Variants in ARIH1 observed in about 807,000 individuals in gnomAD.
ARIH1 encodes the protein E3 ubiquitin-protein ligase ARIH1.
In ARIH1, 8 loss-of-function variants were observed where a neutral mutation model predicts 85.0. That is an observed-to-expected ratio of 0.09 (90% CI 0.06 to 0.17). ARIH1 has a LOEUF of 0.17. ARIH1 is among the 10% of genes least tolerant of loss of function. The pLI is 1.00. For synonymous variants in ARIH1, 238 were observed against 253.6 expected (o/e 0.94, Z 0.59); for missense variants, 311 against 718.1 (o/e 0.43, Z 6.48).
chr15:72,595,058 T>G lies in ARIH1; in HGVS notation c.*11766T>G, dbSNP rs912696414. ...GGAAGGGTTATTAAATTTTGTGAGA[T>G]GCGTTTTTAGCTTTTAATAAGATTA... On this transcript the variant is annotated 3_prime_UTR_variant, in exon 14 of 14. Transcript: ENST00000379887. The G allele has an allele frequency of 9.2e-5, 14 of 152,216 alleles. No individual in the cohort carries two copies. The highest frequency in any genetic ancestry group is 3.4e-4 in the African/African-American group (14 of 41,458). The allele number at this position is 152,216 out of a possible 1,614,324, so 9.4% of individuals were successfully genotyped here.
rs1010555442 is a variant in ARIH1 at position 72,588,830 on chromosome 15, C to T, written c.*5538C>T. 1.3e-5 allele frequency: 2 copies of T among 152,138 alleles called. No individual in the cohort carries two copies. Among genetic ancestry groups the T allele is most frequent in the African/African-American group, 4.8e-5 (2 of 41,404 alleles). The allele number at this position is 152,138 out of a possible 1,614,324, so 9.4% of individuals were successfully genotyped here. ...TGTTGATTGGCAGTACATTCTCTTA[C>T]CAAGGGGGAGAAATCTATCTAGGGA... On this transcript the variant is annotated 3_prime_UTR_variant, in exon 14 of 14. Transcript: ENST00000379887.
chr15:72,514,295 T>C (rs1388600975), intron 1 of ARIH1, among the ~76,000 whole-genome samples: 1 of 152,232 alleles, frequency 6.6e-6, no homozygotes, highest in Non-Finnish European at 1.5e-5. Context: ...TTTGTTAAGA[T>C]TGGATAATTT....
Position 72,523,817 on chromosome 15 carries a change from T to C in ARIH1, c.443+5683T>C, listed in dbSNP as rs529009150. Among the ~76,000 whole-genome samples the C allele has an allele frequency of 2.0e-5, 3 of 151,900 alleles. No homozygotes were observed. The East Asian group carries it at 5.8e-4, about 29-fold the overall frequency. ...TGCTCTAAAAAATAATAAGTTTTTT[T>C]TTTCTTTTAAAGGGGGAAATAAACC... On this transcript the variant is annotated intron_variant, in intron 2 of 13. Transcript: ENST00000379887.
At chr15:72,503,033 C>A (rs934200314) in intron 1 of ARIH1, among the ~76,000 whole-genome samples, 34 of 152,298 alleles carry the variant, frequency 2.2e-4, no homozygotes, top group African/African-American at 7.9e-4. Context: ...TACTTTTAAG[C>A]CATCTAGAGA....
In ARIH1 at chr15:72,584,604, C is replaced by CTGTGT. The variant is rs1441672254; in HGVS notation, c.*1316_*1317insTTGTG. 1 of 152,004 alleles carries CTGTGT rather than the reference C, an allele frequency of 6.6e-6. No homozygotes were observed. The highest frequency in any genetic ancestry group is 1.5e-5 in the Non-Finnish European group (1 of 68,008). 9.4% of individuals were successfully genotyped at this position (152,004 alleles called of 1,614,324 possible). A position where few individuals can be genotyped will look rare whatever the true frequency, so the allele number is the denominator to read the frequency against. Reference sequence around the variant, plus strand: ...ATACCGAAATTGCTTGTGTGTGTTGCTGTGGGTTTGGTTTGAAGGCAAACA... The same window carrying CTGTGT: ...ATACCGAAATTGCTTGTGTGTGTTGCTGTGTTGTGGGTTTGGTTTGAAGGCAAACA... On this transcript the variant is annotated 3_prime_UTR_variant, in exon 14 of 14. Coordinates refer to ENST00000379887, the MANE Select transcript of ARIH1 (RefSeq NM_005744.5).
chr15:72,476,114 G>A (rs2063793973), intron 1 of ARIH1, among the ~76,000 whole-genome samples: 1 of 152,104 alleles, frequency 6.6e-6, no homozygotes, highest in Non-Finnish European at 1.5e-5. Context: ...AACTTAAATT[G>A]GTTGGCTAAA....
At chr15:72,476,897 A>G (rs1442479288) in intron 1 of ARIH1, among the ~76,000 whole-genome samples, 1 of 152,152 alleles carries the variant, frequency 6.6e-6, no homozygotes, top group Non-Finnish European at 1.5e-5. Flanking sequence ...CTGTCAAGTA[A>G]ATTTTTCGAG....
At chr15:72,524,349 G>A (rs117618659) in intron 2 of ARIH1, among the ~76,000 whole-genome samples, 4,566 of 151,360 alleles carry the variant, frequency 0.03, 118 homozygotes, top group East Asian at 0.11. Context: ...CGGTTCAAGC[G>A]ATTACAGGCG....
At position 72,546,296 on chromosome 15, in the gene ARIH1, T is replaced by C. The variant is rs529172396; in HGVS notation, c.588+1332T>C. On this transcript the variant is annotated intron_variant, in intron 3 of 13. Transcript: ENST00000379887. ...TGGGGTCCATTTGTGGGGAGTTAACTTGTTCACATGTACAAGTGATGAGAA... is the reference window on the plus strand; with the variant it reads ...TGGGGTCCATTTGTGGGGAGTTAACCTGTTCACATGTACAAGTGATGAGAA... Among the ~76,000 whole-genome samples the C allele has an allele frequency of 1.6e-4, 25 of 152,312 alleles. No individual in the cohort carries two copies. In the South Asian group the frequency reaches 5.2e-3, roughly 32 times the overall value.
chr15:72,494,133 T>C (rs980453463), intron 1 of ARIH1, among the ~76,000 whole-genome samples: 2 of 152,198 alleles, frequency 1.3e-5, no homozygotes, highest in Non-Finnish European at 2.9e-5. Flanking sequence ...TCCCTAAATA[T>C]AATGCTTCAG....
chr15:72,580,465 T>G (rs1202539450), intron 11 of ARIH1: 6 of 425,332 alleles, frequency 1.4e-5, no homozygotes, highest in Non-Finnish European at 2.5e-5. Flanking sequence ...GATTGCTGGA[T>G]TCTGTGGTGG....
rs1167807870 is a variant in ARIH1 at position 72,592,994 on chromosome 15, T to C, written c.*9702T>C. ...ATGTTTATAAGAAACTGCCCTCTTA[T>C]TCTCCAAAGTGGTTTTACCATTTTG... On this transcript the variant is annotated 3_prime_UTR_variant, in exon 14 of 14. Coordinates refer to ENST00000379887, the MANE Select transcript of ARIH1 (RefSeq NM_005744.5). 2 of 152,210 alleles carry C rather than the reference T, an allele frequency of 1.3e-5. No homozygotes were observed. Among genetic ancestry groups the C allele is most frequent in the Non-Finnish European group, 1.5e-5 (1 of 68,012 alleles). 9.4% of individuals were successfully genotyped at this position (152,210 alleles called of 1,614,324 possible). A position where few individuals can be genotyped will look rare whatever the true frequency, so the allele number is the denominator to read the frequency against.
At chr15:72,535,199 C>T (rs1415175052) in intron 2 of ARIH1, among the ~76,000 whole-genome samples, 1 of 151,900 alleles carries the variant, frequency 6.6e-6, no homozygotes, top group East Asian at 1.9e-4. Flanking sequence ...GATCCACCCG[C>T]CTCGGCCTCC....
intron 7 of ARIH1, among the ~76,000 whole-genome samples, chr15:72,564,923 A>G (rs1030776241): frequency 2.6e-5 from 4 of 152,070 alleles, no homozygotes; most frequent in African/African-American, 9.7e-5. Context: ...CACATTGGTT[A>G]TTAAGTTTTA....
chr15:72,505,758 G>A (rs1328033427), intron 1 of ARIH1, among the ~76,000 whole-genome samples: 1 of 151,994 alleles, frequency 6.6e-6, no homozygotes, highest in Non-Finnish European at 1.5e-5. Flanking sequence ...TCCCTGAGAC[G>A]GGGTCTTGCT....
chr15:72,479,296 G>A (rs1397104295), intron 1 of ARIH1, among the ~76,000 whole-genome samples: 1 of 152,174 alleles, frequency 6.6e-6, no homozygotes, highest in Admixed American at 6.5e-5. Context: ...ACCATATTTA[G>A]AGTGTGTGCC....
Position 72,587,533 on chromosome 15 carries a change from G to C in ARIH1, c.*4241G>C. ...CATTGTAAAGAATTTTGGATAGTCT[G>C]CAGGAAATTGTTACAGGATGCACAG... On this transcript the variant is annotated 3_prime_UTR_variant, in exon 14 of 14. Coordinates refer to ENST00000379887, the MANE Select transcript of ARIH1 (RefSeq NM_005744.5). 1 of 243,822 alleles carries C rather than the reference G, an allele frequency of 4.1e-6. No individual in the cohort carries two copies. Among genetic ancestry groups the C allele is most frequent in the Middle Eastern group, 1.6e-3 (1 of 642 alleles). 15.1% of individuals were successfully genotyped at this position (243,822 alleles called of 1,614,324 possible).
At chr15:72,528,716 G>A (rs921592672) in intron 2 of ARIH1, among the ~76,000 whole-genome samples, 14 of 152,250 alleles carry the variant, frequency 9.2e-5, no homozygotes, top group African/African-American at 3.1e-4. Flanking sequence ...TTAGCTAGGT[G>A]TGGTGATGCA....
At position 72,476,509 on chromosome 15, in the gene ARIH1, C is replaced by T. The variant is rs372266670; in HGVS notation, c.375+1495C>T. 8.6e-5 allele frequency among the ~76,000 whole-genome samples: 13 copies of T among 151,938 alleles called. No homozygotes were observed. In the South Asian group the frequency reaches 2.5e-3, roughly 29 times the overall value. ...CCTCCCAAGTAGCTGGTACTACAGG[C>T]GCGCTCCACCATGCTCAGCTAATTT... On this transcript the variant is annotated intron_variant, in intron 1 of 13. Transcript: ENST00000379887.
Sources: allele counts gnomAD v4.1 joint callset (sites outside exome capture counted in the v4.1 genomes callset), GRCh38; gene constraint gnomAD v4.1.1; transcripts MANE v1.5; gene names NCBI Gene and HGNC (gene_info 2026-07-23, HGNC 2026-07-21).